BCL2L10: variants seen among roughly 807,000 people sequenced by gnomAD.
The protein encoded by BCL2L10 is bcl-2-like protein 10.
Under a neutral mutation model 11.1 loss-of-function variants are expected in BCL2L10, and 14 were observed. The observed-to-expected ratio is 1.26, with a 90% CI of 0.83 to 1.96. The LOEUF is 1.96. Among genes scored for constraint, BCL2L10 ranks in the 30% most tolerant of loss-of-function variants. The pLI is 0.00. For synonymous variants in BCL2L10, 154 were observed against 133.4 expected (o/e 1.15, Z -1.07); for missense variants, 309 against 273.9 (o/e 1.13, Z -0.90).
At chr15:52,110,445 T>A (rs1367119763) in intron 1 of BCL2L10, among the ~76,000 whole-genome samples, 1 of 151,912 alleles carries the variant, frequency 6.6e-6, no homozygotes, top group African/African-American at 2.4e-5. Context: ...TTCAGCTTTT[T>A]TTTTTGAGAC....
chr15:52,110,902 T>C (rs1253353988), intron 1 of BCL2L10, among the ~76,000 whole-genome samples: 10 of 152,158 alleles, frequency 6.6e-5, no homozygotes, highest in Admixed American at 6.5e-4. Context: ...GGTGAGGCTC[T>C]TAGGCACGCA....
At position 52,112,737 on chromosome 15, in the gene BCL2L10, C is replaced by G. The variant is rs4776003; in HGVS notation, c.-11G>C. 6.6e-7 allele frequency: 1 copy of G among 1,519,392 alleles called. No individual in the cohort carries two copies. Among genetic ancestry groups the G allele is most frequent in the Non-Finnish European group, 8.8e-7 (1 of 1,140,124 alleles). 94.1% of individuals were successfully genotyped at this position (1,519,392 alleles called of 1,614,324 possible). A position where few individuals can be genotyped will look rare whatever the true frequency, so the allele number is the denominator to read the frequency against. On this transcript the variant is annotated 5_prime_UTR_variant, in exon 1 of 2. Transcript: ENST00000260442. Reference sequence around the variant, plus strand: ...CAACTGGTCAACCATGGTCCGGCCTCTGCTGGGGGGCCGGGCCTTCGCTGG... The same window carrying G: ...CAACTGGTCAACCATGGTCCGGCCTGTGCTGGGGGGCCGGGCCTTCGCTGG...
At chr15:52,111,176 ACACACACAC>A (rs1566926897) in intron 1 of BCL2L10, among the ~76,000 whole-genome samples, 6 of 77,688 alleles carry the variant, frequency 7.7e-5, no homozygotes, top group Non-Finnish European at 1.6e-4. Context: ...TACTGAAAAC[ACACACACAC>A]ACACACACAC....
rs1566927469 is a variant in BCL2L10 at position 52,112,678 on chromosome 15, C to T, written c.49G>A (p.Glu17Lys). 6.5e-7 allele frequency: 1 copy of T among 1,543,882 alleles called. No homozygotes were observed. The highest frequency in any genetic ancestry group is 1.9e-5 in the Admixed American group (1 of 51,468). ...TCGGCCAGCAACAGCTCGGTGCGCT[C>T]CCGCAGCGGGTCGGCCATGGTGGTG... ...ERTTMADPLRERTELLLADYL... is the reference protein window; with the variant it reads ...ERTTMADPLRKRTELLLADYL... Residue 17 changes from glutamate (E) to lysine (K), a missense_variant, in exon 1 of 2, where the codon GAG (glutamate) becomes AAG (lysine). Coordinates refer to ENST00000260442, the MANE Select transcript of BCL2L10 (RefSeq NM_020396.4).
rs2141170351 is a variant in BCL2L10, at chr15:52,112,604, T to C, written c.123A>G (p.Pro41=). 3 of 1,577,184 alleles carry C rather than the reference T, an allele frequency of 1.9e-6. No individual in the cohort carries two copies. The highest frequency in any genetic ancestry group is 2.6e-6 in the Non-Finnish European group (3 of 1,170,034). Residue 41 remains proline, a synonymous_variant, in exon 1 of 2, where the codon CCA becomes CCG. Coordinates refer to ENST00000260442, the MANE Select transcript of BCL2L10 (RefSeq NM_020396.4). ...GCAGCACGGCGGCCTCGGGCGTGGA[T>C]GGCGCCGGCTCGGGGGTGCCGGGTT... ...AREPGTPEPA[P]STPEAAVLRS... is the part of the protein sequence containing the mutation.
At position 52,112,628 on chromosome 15, in the gene BCL2L10, T is replaced by C; in HGVS notation, c.99A>G (p.Glu33=). The change falls in exon 1 of 2, where the codon GAA becomes GAG. Residue 33 remains glutamate, a synonymous_variant. Coordinates refer to ENST00000260442, the MANE Select transcript of BCL2L10 (RefSeq NM_020396.4). ...LADYLGYCAR[E]PGTPEPAPST... Reference sequence around the variant, plus strand: ...ATGGCGCCGGCTCGGGGGTGCCGGGTTCCCGGGCGCAGTACCCCAGGTAGT... The same window carrying C: ...ATGGCGCCGGCTCGGGGGTGCCGGGCTCCCGGGCGCAGTACCCCAGGTAGT... 1 of 1,563,558 alleles carries C rather than the reference T, an allele frequency of 6.4e-7. No individual in the cohort carries two copies. The highest frequency in any genetic ancestry group is 8.6e-7 in the Non-Finnish European group (1 of 1,163,244).
At chr15:52,111,173 AACACACACACACACACACACAC>A (rs71130130) in intron 1 of BCL2L10, among the ~76,000 whole-genome samples, 13 of 121,806 alleles carry the variant, frequency 1.1e-4, no homozygotes, top group Middle Eastern at 4.0e-3. Context: ...CTCTACTGAA[AACACACACACACACACACACAC>A]ACACACACAC....
In BCL2L10 at chr15:52,112,742, G is replaced by T. The variant is rs1011626679; in HGVS notation, c.-16C>A. The stretch of plus-strand genomic sequence containing the variant: ...GGTCAACCATGGTCCGGCCTCTGCT[G>T]GGGGGCCGGGCCTTCGCTGGTTTTC... On this transcript the variant is annotated 5_prime_UTR_variant, in exon 1 of 2. Coordinates refer to ENST00000260442, the MANE Select transcript of BCL2L10 (RefSeq NM_020396.4). 21 of 1,513,616 alleles carry T rather than the reference G, an allele frequency of 1.4e-5. No homozygotes were observed. The highest frequency in any genetic ancestry group is 1.8e-5 in the Non-Finnish European group (21 of 1,137,358). 93.8% of individuals were successfully genotyped at this position (1,513,616 alleles called of 1,614,324 possible).
chr15:52,110,250 T>G (rs1049016834), intron 1 of BCL2L10, among the ~76,000 whole-genome samples: 1 of 152,206 alleles, frequency 6.6e-6, no homozygotes, highest in Non-Finnish European at 1.5e-5. Context: ...TAGCTTATTA[T>G]GCTCTTTTCT....
chr15:52,111,515 G>T (rs1235205923), intron 1 of BCL2L10, among the ~76,000 whole-genome samples: 1 of 152,204 alleles, frequency 6.6e-6, no homozygotes, highest in Admixed American at 6.5e-5. Flanking sequence ...AGGTGGTGGG[G>T]AAAGAAATGG....
rs1400165741 is a variant in BCL2L10 at position 52,109,329 on chromosome 15, A to C, written c.*519T>G. 6.6e-6 allele frequency: 1 copy of C among 152,280 alleles called. No homozygotes were observed. Among genetic ancestry groups the C allele is most frequent in the East Asian group, 1.9e-4 (1 of 5,204 alleles). The allele number at this position is 152,280 out of a possible 1,614,324, so 9.4% of individuals were successfully genotyped here. On this transcript the variant is annotated 3_prime_UTR_variant, in exon 2 of 2. Transcript: ENST00000260442. Reference sequence around the variant, plus strand: ...CAATTATTGAAGAAATTAGTATGTTAACTATAAAAACCTAGAAGTCCCAGG... The same window carrying C: ...CAATTATTGAAGAAATTAGTATGTTCACTATAAAAACCTAGAAGTCCCAGG...
In BCL2L10 at chr15:52,112,346, T is replaced by G. The variant is rs2033069821; in HGVS notation, c.381A>C (p.Leu127=). 1 of 1,598,848 alleles carries G rather than the reference T, an allele frequency of 6.3e-7. No individual in the cohort carries two copies. The highest frequency in any genetic ancestry group is 2.3e-5 in the East Asian group (1 of 44,404). ...RWKKWGFQPR[L]KEQEGDVARD... ...GGGCGACGTCGCCCTCCTGCTCCTT[T>G]AGCCGCGGCTGGAAGCCCCACTTCT... Residue 127 remains leucine (L), a synonymous_variant, in exon 1 of 2, where the codon CTA becomes CTC. Transcript: ENST00000260442.
intron 1 of BCL2L10, among the ~76,000 whole-genome samples, chr15:52,110,697 T>C (rs1169792421): frequency 2.0e-5 from 3 of 152,190 alleles, no homozygotes; most frequent in African/African-American, 7.2e-5. Flanking sequence ...CCTCCCAAAG[T>C]GCTGGGATTA....
rs2033086025 is a variant in BCL2L10 at position 52,112,736 on chromosome 15, TCTGCTGGGGGGCCGGGCC to T, written c.-28_-11del. 6.6e-7 allele frequency: 1 copy of T among 1,520,560 alleles called. No individual in the cohort carries two copies. Among genetic ancestry groups the T allele is most frequent in the African/African-American group, 1.4e-5 (1 of 70,298 alleles). 94.2% of individuals were successfully genotyped at this position (1,520,560 alleles called of 1,614,324 possible). A position where few individuals can be genotyped will look rare whatever the true frequency, so the allele number is the denominator to read the frequency against. ...GCAACTGGTCAACCATGGTCCGGCC[TCTGCTGGGGGGCCGGGCC>T]TTCGCTGGTTTTCTTGGCCCGGCCG... is the stretch of plus-strand genomic sequence containing the variant. On this transcript the variant is annotated 5_prime_UTR_variant, in exon 1 of 2. Coordinates refer to ENST00000260442, the MANE Select transcript of BCL2L10 (RefSeq NM_020396.4).
intron 1 of BCL2L10, among the ~76,000 whole-genome samples, chr15:52,110,565 C>T (rs2033039244): frequency 1.3e-5 from 2 of 152,124 alleles, no homozygotes; most frequent in Admixed American, 1.3e-4. Flanking sequence ...TCCCTAGTAG[C>T]TGGGATTACA....
At position 52,109,850 on chromosome 15, in the gene BCL2L10, A is replaced by G. The variant is rs752344133; in HGVS notation, c.613T>C (p.Ter205ArgextTer48). 2 of 1,613,924 alleles carry G rather than the reference A, an allele frequency of 1.2e-6. No homozygotes were observed. Among genetic ancestry groups the G allele is most frequent in the East Asian group, 2.2e-5 (1 of 44,880 alleles). Reference protein sequence around the residue: ...AFIYLWTRLL* With the variant: ...AFIYLWTRLLR ...AAGCGGGTTAAAAGTTTTAAAACTC[A>G]TAATAATCGTGTCCAGAGATAAATG... Residue 205 changes from the stop codon to arginine, a stop_lost, in exon 2 of 2, where the codon TGA becomes CGA. Coordinates refer to ENST00000260442, the MANE Select transcript of BCL2L10 (RefSeq NM_020396.4).
At chr15:52,111,781 A>G (rs2033060187) in intron 1 of BCL2L10, among the ~76,000 whole-genome samples, 1 of 152,202 alleles carries the variant, frequency 6.6e-6, no homozygotes, top group Non-Finnish European at 1.5e-5. Flanking sequence ...TGAGAGGCGT[A>G]GGGGGTTGTG....
chr15:52,111,242 G>T (rs958339107), intron 1 of BCL2L10, among the ~76,000 whole-genome samples: 1 of 144,508 alleles, frequency 6.9e-6, no homozygotes, highest in Non-Finnish European at 1.5e-5. Context: ...GGTGGGGCGC[G>T]CCTGTAGTCC....
chr15:52,110,483 G>C (rs1001516840), intron 1 of BCL2L10, among the ~76,000 whole-genome samples: 14 of 152,212 alleles, frequency 9.2e-5, no homozygotes, highest in African/African-American at 3.1e-4. Context: ...GCCCAGGCTG[G>C]AGTGCAATGG....
Sources: gnomAD v4.1 joint callset for allele counts (sites outside exome capture counted in the v4.1 genomes callset) on GRCh38, gnomAD v4.1.1 for gene constraint, MANE v1.5 for transcripts, NCBI Gene and HGNC (gene_info 2026-07-23, HGNC 2026-07-21) for gene names.